Variants in GARIN2 observed in about 807,000 individuals in gnomAD.
The protein encoded by GARIN2 is Golgi-associated RAB2 interactor protein 2.
chr14:67,198,017 G>A, the GARIN2 span: 4 of 866,614 alleles, frequency 4.6e-6, no homozygotes, highest in Non-Finnish European at 7.0e-6. Flanking sequence ...AGTGCCTGGT[G>A]CAGTGCCAAG....
chr14:67,210,753 C>T, the GARIN2 span, among the ~76,000 whole-genome samples: 2 of 151,990 alleles, frequency 1.3e-5, no homozygotes, highest in African/African-American at 2.4e-5. Flanking sequence ...TGGCTCAGAC[C>T]TGTAATCCCA....
chr14:67,217,156 ACT>A, the GARIN2 span, among the ~76,000 whole-genome samples: 17 of 146,814 alleles, frequency 1.2e-4, no homozygotes, highest in Admixed American at 1.0e-3. Flanking sequence ...CTATAGAATG[ACT>A]TTCTTCATCT....
the GARIN2 span, chr14:67,205,152 C>A: frequency 7.0e-7 from 1 of 1,435,960 alleles, no homozygotes. Flanking sequence ...ACCGAGATCA[C>A]ACTTCTTGGT....
chr14:67,221,572 G>C, the GARIN2 span, among the ~76,000 whole-genome samples: 8 of 152,126 alleles, frequency 5.3e-5, no homozygotes, highest in Admixed American at 2.6e-4. Flanking sequence ...GGCTTTTACA[G>C]ATTGAATAGT....
At chr14:67,208,116 G>A in the GARIN2 span, 4 of 1,543,948 alleles carry the variant, frequency 2.6e-6, no homozygotes, top group African/African-American at 1.4e-5. Context: ...GAATGAAATG[G>A]TGCCTGTATT....
the GARIN2 span, among the ~76,000 whole-genome samples, chr14:67,217,958 G>C: frequency 6.6e-6 from 1 of 152,044 alleles, no homozygotes; most frequent in Non-Finnish European, 1.5e-5. Context: ...TATATGAATG[G>C]GTCTTGGGAT....
At chr14:67,189,872 G>C in the GARIN2 span, 1 of 115,352 alleles carries the variant, frequency 8.7e-6, no homozygotes, top group Non-Finnish European at 1.6e-5. Flanking sequence ...ACAGAGTCTC[G>C]CTTTGTCACC....
At chr14:67,192,003 T>C in the GARIN2 span, among the ~76,000 whole-genome samples, 1 of 152,190 alleles carries the variant, frequency 6.6e-6, no homozygotes, top group Non-Finnish European at 1.5e-5. Flanking sequence ...GAAAAAGTAC[T>C]GGTTAAAAGA....
chr14:67,216,063 G>A, the GARIN2 span, among the ~76,000 whole-genome samples: 1 of 151,898 alleles, frequency 6.6e-6, no homozygotes, highest in Non-Finnish European at 1.5e-5. Context: ...TTCCACACAC[G>A]CCTCCCACCG....
At chr14:67,216,906 C>T in the GARIN2 span, among the ~76,000 whole-genome samples, 1 of 152,108 alleles carries the variant, frequency 6.6e-6, no homozygotes, top group Non-Finnish European at 1.5e-5. Context: ...ATGAAATGTT[C>T]TATAAATGTC....
the GARIN2 span, among the ~76,000 whole-genome samples, chr14:67,221,166 A>G: frequency 6.6e-6 from 1 of 152,254 alleles, no homozygotes; most frequent in African/African-American, 2.4e-5. Flanking sequence ...CATTTCTGAA[A>G]GTGAAATCTA....
At chr14:67,193,404 T>G in the GARIN2 span, among the ~76,000 whole-genome samples, 1 of 141,232 alleles carries the variant, frequency 7.1e-6, no homozygotes, top group African/African-American at 2.6e-5. Flanking sequence ...TATCTAGATA[T>G]ATATCTATAT....
chr14:67,194,706 T>G, the GARIN2 span, among the ~76,000 whole-genome samples: 29 of 152,292 alleles, frequency 1.9e-4, no homozygotes, highest in African/African-American at 7.0e-4. Flanking sequence ...TTTCACCTTG[T>G]TGGTCAGGCT....
the GARIN2 span, chr14:67,202,936 C>T: frequency 2.2e-5 from 7 of 324,392 alleles, no homozygotes; most frequent in South Asian, 4.8e-4. Flanking sequence ...CTGTTCCCTG[C>T]GGTATCTCCA....
the GARIN2 span, among the ~76,000 whole-genome samples, chr14:67,191,701 G>C: frequency 6.6e-6 from 1 of 152,140 alleles, no homozygotes; most frequent in Non-Finnish European, 1.5e-5. Context: ...ACACAGATAG[G>C]GAAGCCCTGA....
the GARIN2 span, among the ~76,000 whole-genome samples, chr14:67,211,179 G>T: frequency 3.9e-5 from 6 of 152,238 alleles, no homozygotes; most frequent in South Asian, 1.2e-3. Flanking sequence ...GGATTAAATA[G>T]CTGATATTAA....
the GARIN2 span, chr14:67,189,836 A>C: frequency 2.5e-4 from 27 of 109,970 alleles, no homozygotes; most frequent in Non-Finnish European, 1.1e-4. Context: ...GATTTTTTTT[A>C]ATTTTTTTTT....
chr14:67,215,694 G>A, the GARIN2 span, among the ~76,000 whole-genome samples: 51 of 152,138 alleles, frequency 3.4e-4, no homozygotes, highest in African/African-American at 1.1e-3. Flanking sequence ...TTAGAAAAGC[G>A]TAAGGTTTAT....
the GARIN2 span, among the ~76,000 whole-genome samples, chr14:67,226,716 A>G: frequency 2.0e-5 from 3 of 152,200 alleles, no homozygotes; most frequent in South Asian, 4.1e-4. Context: ...GTGAAAGGTA[A>G]TGGACCAGAG....
Sources: gnomAD v4.1 joint callset for allele counts (sites outside exome capture counted in the v4.1 genomes callset) on GRCh38, gnomAD v4.1.1 for gene constraint, MANE v1.5 for transcripts, NCBI Gene and HGNC (gene_info 2026-07-23, HGNC 2026-07-21) for gene names.